The following NBPF14 variants were observed in gnomAD, a reference collection of about 807,000 sequenced individuals.
The protein encoded by NBPF14 is NBPF family member NBPF14.
Under a neutral mutation model 91.2 loss-of-function variants are expected in NBPF14, and 104 were observed. The ratio of observed to expected loss-of-function variants is 1.14; its 90% CI spans 0.97 to 1.34. The LOEUF (loss-of-function observed/expected upper bound fraction) is 1.34. Ranked by LOEUF, NBPF14 falls within the 40% of genes most tolerant of loss-of-function variation. The pLI is 0.00. For missense variants in NBPF14, 908 were observed against 783.0 expected (o/e 1.16, Z -1.91); for synonymous variants, 294 against 303.8 (o/e 0.97, Z 0.34).
intron 2 of NBPF14, among the ~76,000 whole-genome samples, 180 bp from the exon 3 acceptor site, chr1:148,593,880 A>C (rs1662892743): frequency 1.3e-5 from 2 of 149,760 alleles, no homozygotes; most frequent in African/African-American, 4.9e-5. Context: ...CTGATCCTCC[A>C]AAATTTAAAG....
At chr1:148,578,243 G>A (rs1317468832) in intron 13 of NBPF14, among the ~76,000 whole-genome samples, 8 of 150,902 alleles carry the variant, frequency 5.3e-5, no homozygotes, top group African/African-American at 1.5e-4. Flanking sequence ...CCCCTGTGTT[G>A]GAATGTTATC....
chr1:148,589,972 T>C lies in NBPF14; in HGVS notation c.779-579A>G, dbSNP rs1472131922. ...GTTTCGAACTCCTGAGCTCAGGTGT[T>C]CCGCCCACCTCAGCCTCCCAAAGTG... On this transcript the variant is annotated intron_variant, in intron 6 of 70. Coordinates refer to ENST00000619423, the Ensembl canonical transcript of NBPF14. 1.4e-5 allele frequency among the ~76,000 whole-genome samples: 2 copies of C among 146,598 alleles called. 1 individual carries two copies. Among genetic ancestry groups the C allele is most frequent in the Non-Finnish European group, 3.0e-5 (2 of 65,618 alleles).
At chr1:148,593,179 AAAG>A (rs1386780043) in intron 3 of NBPF14, among the ~76,000 whole-genome samples, 7,439 of 147,884 alleles carry the variant, frequency 0.05, 558 homozygotes, top group African/African-American at 0.17. Flanking sequence ...TGAAAAGATG[AAAG>A]AAGAAAAGAA....
At chr1:148,593,989 C>T (rs1487287177) in intron 2 of NBPF14, among the ~76,000 whole-genome samples, 3 of 149,322 alleles carry the variant, frequency 2.0e-5, no homozygotes, top group Non-Finnish European at 3.0e-5. Context: ...AGGTCTGACT[C>T]TGAATGTGGG....
chr1:148,586,661 G>T (rs1661578816), intron 8 of NBPF14, among the ~76,000 whole-genome samples, 192 bp from the exon 9 acceptor site: 1 of 147,448 alleles, frequency 6.8e-6, no homozygotes, highest in Admixed American at 6.8e-5. Context: ...GTATCAGAGA[G>T]GGCTCTTGCA....
intron 68 of NBPF14, among the ~76,000 whole-genome samples, chr1:148,535,088 G>A (rs1470364209): frequency 8.2e-5 from 12 of 146,586 alleles, no homozygotes; most frequent in South Asian, 2.1e-4. Context: ...TGAGCTCAGC[G>A]AATTGGCCGG....
At chr1:148,557,056 A>G (rs1656688176) in intron 40 of NBPF14, among the ~76,000 whole-genome samples, 194 bp from the exon 41 acceptor site, 2 of 122,028 alleles carry the variant, frequency 1.6e-5, no homozygotes, top group Admixed American at 1.6e-4. Context: ...AGAAAGACAG[A>G]TAGACACACA....
chr1:148,533,370 G>C lies in NBPF14; in HGVS notation c.8724-122C>G, dbSNP rs1553331348. 59 of 555,100 alleles carry C rather than the reference G, an allele frequency of 1.1e-4. 1 individual carries two copies. The East Asian group carries it at 1.6e-3, about 15-fold the overall frequency. The allele number at this position is 555,100 out of a possible 1,614,324, so 34.4% of individuals were successfully genotyped here. On this transcript the variant is annotated intron_variant, in intron 70 of 70. Coordinates refer to ENST00000619423, the Ensembl canonical transcript of NBPF14. ...AAAGAAAAAGGATAGAACCATTAAT[G>C]AGGTAAAAAAAAAATTTATTGCCTT...
chr1:148,577,558 A>G (rs1660085033), intron 14 of NBPF14, among the ~76,000 whole-genome samples: 3 of 150,704 alleles, frequency 2.0e-5, no homozygotes, highest in Non-Finnish European at 2.9e-5. Context: ...ACACACACAC[A>G]CACACACACA....
chr1:148,560,155 C>T (rs1399859925), intron 36 of NBPF14, among the ~76,000 whole-genome samples, 190 bp from the exon 37 acceptor site: 25 of 151,002 alleles, frequency 1.7e-4, no homozygotes, highest in African/African-American at 4.9e-4. Context: ...AAGAGAAAGA[C>T]AGAGAGAGAG....
At chr1:148,576,784 G>A (rs1484749720) in intron 15 of NBPF14, among the ~76,000 whole-genome samples, 3 of 149,142 alleles carry the variant, frequency 2.0e-5, no homozygotes, top group East Asian at 2.0e-4. Context: ...GAGAAAAACT[G>A]CACTATTCAG....
chr1:148,566,749 T>G (rs1238055178), intron 28 of NBPF14, among the ~76,000 whole-genome samples: 1 of 106,646 alleles, frequency 9.4e-6, no homozygotes, highest in Non-Finnish European at 1.9e-5. Context: ...CTGGTCCACC[T>G]ACAGTAGGTT....
chr1:148,571,234 GACACACACACAC>G (rs1187478824), intron 22 of NBPF14, among the ~76,000 whole-genome samples, 197 bp from the exon 23 acceptor site: 1 of 72,800 alleles, frequency 1.4e-5, no homozygotes. Flanking sequence ...AAGACAGATA[GACACACACACAC>G]ACACACACAC....
chr1:148,592,652 G>T, exon 4 of NBPF14: 2 of 1,588,538 alleles, frequency 1.3e-6, no homozygotes, highest in Non-Finnish European at 1.7e-6. Context: ...CATACGGAGT[G>T]AGGAGGGCCT....
chr1:148,534,694 A>C, exon 69 of NBPF14: 2 of 822,922 alleles, frequency 2.4e-6, no homozygotes, highest in Non-Finnish European at 4.3e-6. Context: ...TGTCCACGTC[A>C]AGAGCCAAGC....
At chr1:148,593,168 T>C (rs1571065505) in intron 3 of NBPF14, among the ~76,000 whole-genome samples, 2 of 145,932 alleles carry the variant, frequency 1.4e-5, no homozygotes, top group Middle Eastern at 3.4e-3. Context: ...ATGGGGCGAA[T>C]TGAAAAGATG....
intron 67 of NBPF14, among the ~76,000 whole-genome samples, chr1:148,535,957 T>G (rs1417703603): frequency 6.6e-6 from 1 of 150,524 alleles, no homozygotes; most frequent in African/African-American, 2.4e-5. Flanking sequence ...TGTGTGAATT[T>G]GTCACATCTG....
chr1:148,577,039 G>C, intron 15 of NBPF14, 144 bp downstream of exon 15: 2 of 640,434 alleles, frequency 3.1e-6, no homozygotes, highest in Non-Finnish European at 5.7e-6. Context: ...AGTGGAACTA[G>C]AGTTTCATTC....
In NBPF14 at chr1:148,559,902, A is replaced by T. The variant is rs1198190055; in HGVS notation, c.4620T>A (p.Cys1540Ter). The change falls in exon 37 of 71, where the codon TGT (cysteine) becomes TGA (stop). Residue 1540 changes from cysteine (C) to a stop codon, truncating the protein, a stop_gained. Transcript: ENST00000619423. LOFTEE classifies it high-confidence loss of function. ...CAAGACAACCTGAAGGAGTTGAATAACATCTATCCAGTGAGTCCTGCAAGA... is the reference window on the plus strand; with the variant it reads ...CAAGACAACCTGAAGGAGTTGAATATCATCTATCCAGTGAGTCCTGCAAGA... The T allele has an allele frequency of 1.6e-5, 20 of 1,274,656 alleles. 2 individuals are homozygous for T. Among genetic ancestry groups the T allele is most frequent in the Non-Finnish European group, 2.1e-5 (19 of 909,142 alleles). The allele number at this position is 1,274,656 out of a possible 1,614,324, so 79.0% of individuals were successfully genotyped here.
Sources: gnomAD v4.1 joint callset for allele counts (sites outside exome capture counted in the v4.1 genomes callset) on GRCh38, gnomAD v4.1.1 for gene constraint, MANE v1.5 for transcripts, NCBI Gene and HGNC (gene_info 2026-07-23, HGNC 2026-07-21) for gene names.